The following SGCZ variants were observed in gnomAD, a reference collection of about 807,000 sequenced individuals.
The protein encoded by SGCZ is sarcoglycan zeta.
A neutral mutation model predicts 41.3 loss-of-function variants in SGCZ; 40 were observed. That is an observed-to-expected ratio of 0.97 (90% confidence interval 0.75 to 1.26). The LOEUF (loss-of-function observed/expected upper bound fraction) is 1.26, where lower values mean the gene tolerates loss of function less well. SGCZ is among the 50% of genes most tolerant of loss of function. SGCZ has a pLI of 0.00. For missense variants in SGCZ, 552 were observed against 369.8 expected, an observed-to-expected ratio of 1.49 and a Z score of -4.04; for synonymous variants, 206 against 137.5, an observed-to-expected ratio of 1.50 and a Z score of -3.49.
chr8:14,363,076 AAG>A lies in SGCZ; in HGVS notation c.235-38874_235-38873del, dbSNP rs1253996112. 3.9e-5 allele frequency among the ~76,000 whole-genome samples: 6 copies of A among 152,292 alleles called. No homozygotes were observed. In the East Asian group the frequency reaches 1.2e-3, roughly 29 times the overall value. ...ACTTTCATGGTAATAGTCTGGAGGAAAGAGAGAATGTAATAAAATATTCCTAA... is the reference window on the plus strand; with the variant it reads ...ACTTTCATGGTAATAGTCTGGAGGAAAGAGAATGTAATAAAATATTCCTAA... On this transcript the variant is annotated intron_variant, in intron 2 of 7. Transcript: ENST00000382080.
At chr8:15,160,925 T>C (rs1425993968) in intron 1 of SGCZ, among the ~76,000 whole-genome samples, 1 of 152,142 alleles carries the variant, frequency 6.6e-6, no homozygotes, top group Non-Finnish European at 1.5e-5. Context: ...CGTAATCTGG[T>C]GTGCAGCCAC....
chr8:14,440,968 T>G (rs1310558045), intron 2 of SGCZ, among the ~76,000 whole-genome samples: 1 of 151,960 alleles, frequency 6.6e-6, no homozygotes, highest in African/African-American at 2.4e-5. Context: ...TTATGAAGGA[T>G]AGGCTTTGAA....
intron 2 of SGCZ, among the ~76,000 whole-genome samples, chr8:14,465,143 C>T (rs181572236): frequency 5.9e-5 from 9 of 151,628 alleles, no homozygotes; most frequent in South Asian, 2.1e-4. Context: ...TGATGTTTCT[C>T]CCTATTATTG....
chr8:14,486,065 A>T (rs952776718), intron 2 of SGCZ, among the ~76,000 whole-genome samples: 2 of 152,194 alleles, frequency 1.3e-5, no homozygotes, highest in Non-Finnish European at 2.9e-5. Context: ...CTACTGATAC[A>T]ATACAAAATA....
intron 1 of SGCZ, among the ~76,000 whole-genome samples, chr8:15,063,901 G>A (rs76848350): frequency 1.9e-3 from 284 of 152,182 alleles, no homozygotes; most frequent in African/African-American, 6.6e-3. Flanking sequence ...GCTTACAGTC[G>A]AGTGTTGCCC....
intron 1 of SGCZ, among the ~76,000 whole-genome samples, chr8:14,760,259 A>G (rs1177256743): frequency 6.6e-6 from 1 of 152,226 alleles, no homozygotes; most frequent in African/African-American, 2.4e-5. Context: ...GCCTTTAACA[A>G]CCACTAAGTA....
At chr8:14,821,434 C>G (rs1044732806) in intron 1 of SGCZ, among the ~76,000 whole-genome samples, 2 of 151,888 alleles carry the variant, frequency 1.3e-5, no homozygotes, top group East Asian at 3.9e-4. Flanking sequence ...TTCCAGAAAA[C>G]TAAAGATGAG....
At position 14,327,937 on chromosome 8, in the gene SGCZ, C is replaced by T. The variant is rs11985678; in HGVS notation, c.235-3733G>A. Among the ~76,000 whole-genome samples the T allele has an allele frequency of 3.9e-5, 6 of 152,184 alleles. No individual in the cohort carries two copies. The South Asian group carries it at 6.2e-4, about 16-fold the overall frequency. On this transcript the variant is annotated intron_variant, in intron 2 of 7. Transcript: ENST00000382080. ...CAGGGACTACAGGTGTGCACTGCCA[C>T]GCCCAGATAACTTTTGTACTTTTAG...
chr8:15,176,214 CCTT>C (rs1799997358), intron 1 of SGCZ, among the ~76,000 whole-genome samples: 1 of 152,152 alleles, frequency 6.6e-6, no homozygotes, highest in Non-Finnish European at 1.5e-5. Context: ...ATCTTACTCA[CCTT>C]CTAGTCTGTA....
intron 3 of SGCZ, among the ~76,000 whole-genome samples, chr8:14,286,822 A>G (rs898562531): frequency 6.6e-6 from 1 of 152,152 alleles, no homozygotes; most frequent in African/African-American, 2.4e-5. Flanking sequence ...AATTGTTTCT[A>G]GAAAGATTGA....
At chr8:14,464,977 A>G (rs563040106) in intron 2 of SGCZ, among the ~76,000 whole-genome samples, 32 of 151,804 alleles carry the variant, frequency 2.1e-4, no homozygotes, top group Middle Eastern at 3.4e-3. Context: ...AAATATGCCA[A>G]TACTTAATCT....
At chr8:14,735,659 T>A (rs1799006920) in intron 1 of SGCZ, among the ~76,000 whole-genome samples, 1 of 152,180 alleles carries the variant, frequency 6.6e-6, no homozygotes, top group South Asian at 2.1e-4. Flanking sequence ...AGACTTCACC[T>A]TGTGATCCTG....
intron 2 of SGCZ, among the ~76,000 whole-genome samples, chr8:14,426,282 A>G (rs1490516167): frequency 6.6e-6 from 1 of 152,314 alleles, no homozygotes; most frequent in Admixed American, 6.5e-5. Context: ...GTGAAATAAA[A>G]CAAGGAGGGT....
intron 1 of SGCZ, among the ~76,000 whole-genome samples, chr8:15,073,730 C>T (rs942643476): frequency 6.6e-6 from 1 of 152,136 alleles, no homozygotes; most frequent in African/African-American, 2.4e-5. Flanking sequence ...TACCCTTGAC[C>T]CTGCTGTCCT....
At chr8:14,726,619 G>C (rs1810065355) in intron 1 of SGCZ, among the ~76,000 whole-genome samples, 1 of 151,736 alleles carries the variant, frequency 6.6e-6, no homozygotes, top group Non-Finnish European at 1.5e-5. Context: ...TCACAATTTT[G>C]AGAAATTATT....
intron 2 of SGCZ, among the ~76,000 whole-genome samples, chr8:14,408,394 T>G (rs564797342): frequency 6.6e-6 from 1 of 152,184 alleles, no homozygotes; most frequent in East Asian, 1.9e-4. Flanking sequence ...TCTACACTTA[T>G]TTCCTCCTCT....
intron 1 of SGCZ, among the ~76,000 whole-genome samples, chr8:15,102,320 A>C (rs1000219094): frequency 6.6e-6 from 1 of 152,212 alleles, no homozygotes; most frequent in Non-Finnish European, 1.5e-5. Flanking sequence ...AAAAGGTAAA[A>C]CTATGTGGAG....
intron 1 of SGCZ, among the ~76,000 whole-genome samples, chr8:15,097,694 A>G (rs1400461393): frequency 6.7e-6 from 1 of 150,098 alleles, no homozygotes; most frequent in Non-Finnish European, 1.5e-5. Context: ...ACACCAATAC[A>G]TTACTGTCTA....
intron 1 of SGCZ, among the ~76,000 whole-genome samples, chr8:14,976,834 A>G (rs565811399): frequency 5.1e-4 from 78 of 152,332 alleles, no homozygotes; most frequent in Admixed American, 1.4e-3. Flanking sequence ...AACAACCAAA[A>G]AAGTGTAGAT....
Sources: allele counts gnomAD v4.1 joint callset (sites outside exome capture counted in the v4.1 genomes callset), GRCh38; gene constraint gnomAD v4.1.1; transcripts MANE v1.5; gene names NCBI Gene and HGNC (gene_info 2026-07-23, HGNC 2026-07-21).